Variants in FDX1 observed in about 807,000 individuals in gnomAD.
FDX1 encodes ferredoxin 1, also known as adrenodoxin, mitochondrial.
A neutral mutation model predicts 14.9 loss-of-function variants in FDX1; 9 were observed. That is an observed-to-expected ratio of 0.60 (90% CI 0.36 to 1.05). FDX1 has a LOEUF of 1.05. Ranked by LOEUF, FDX1 falls within the 50% of genes least tolerant of loss-of-function variation. The pLI is 0.01. For synonymous variants in FDX1, 92 were observed against 99.4 expected (o/e 0.93, Z 0.44); for missense variants, 204 against 237.2 (o/e 0.86, Z 0.92).
At chr11:110,438,251 T>C (rs1331618484) in intron 2 of FDX1, among the ~76,000 whole-genome samples, 6 of 152,200 alleles carry the variant, frequency 3.9e-5, no homozygotes, top group African/African-American at 1.4e-4. Context: ...CCACCAGGAC[T>C]GTCTTAAGTG....
At chr11:110,460,680 T>C (rs1308355768) in intron 3 of FDX1, among the ~76,000 whole-genome samples, 1 of 152,236 alleles carries the variant, frequency 6.6e-6, no homozygotes. Context: ...ATTGAAAGTT[T>C]ACTCATTAAT....
intron 2 of FDX1, among the ~76,000 whole-genome samples, chr11:110,445,674 T>G (rs559209756): frequency 2.0e-5 from 3 of 152,320 alleles, no homozygotes; most frequent in Non-Finnish European, 2.9e-5. Context: ...TGCCTGGGCT[T>G]CTTTCCCAGC....
intron 1 of FDX1, among the ~76,000 whole-genome samples, chr11:110,434,576 G>T (rs376042779): frequency 1.3e-5 from 2 of 151,786 alleles, no homozygotes; most frequent in African/African-American, 2.4e-5. Context: ...CAGGTAATCC[G>T]CCCGCCTTGG....
intron 2 of FDX1, among the ~76,000 whole-genome samples, chr11:110,451,451 G>T (rs1403457298): frequency 6.6e-6 from 1 of 152,098 alleles, no homozygotes; most frequent in African/African-American, 2.4e-5. Flanking sequence ...ATGTGGTGAG[G>T]TTACAGAGAA....
intron 1 of FDX1, among the ~76,000 whole-genome samples, chr11:110,433,636 G>T (rs115432783): frequency 1.3e-5 from 2 of 152,136 alleles, no homozygotes; most frequent in Non-Finnish European, 2.9e-5. Flanking sequence ...AGTTATTCAT[G>T]TTGAAAATTA....
intron 1 of FDX1, among the ~76,000 whole-genome samples, chr11:110,433,498 C>T (rs543761965): frequency 2.8e-4 from 43 of 152,240 alleles, no homozygotes; most frequent in South Asian, 1.9e-3. Context: ...GGTCTACCTC[C>T]TGGATGTCTG....
intron 2 of FDX1, among the ~76,000 whole-genome samples, chr11:110,447,273 C>CAAAAAAAAAAAAA (rs541827807): frequency 1.3e-5 from 1 of 75,746 alleles, no homozygotes; most frequent in Non-Finnish European, 2.7e-5. Flanking sequence ...ACTAAAAATA[C>CAAAAAAAAAAAAA]AAAAAAAAAA....
chr11:110,445,304 A>T (rs1324940954), intron 2 of FDX1, among the ~76,000 whole-genome samples: 1 of 152,174 alleles, frequency 6.6e-6, no homozygotes, highest in African/African-American at 2.4e-5. Context: ...ATTTCTTCTA[A>T]ATTAAAACAT....
At chr11:110,430,528 G>T (rs751541149) in intron 1 of FDX1, among the ~76,000 whole-genome samples, 1 of 152,164 alleles carries the variant, frequency 6.6e-6, no homozygotes, top group South Asian at 2.1e-4. Context: ...GTTCCTTTCC[G>T]CATCACCCAC....
intron 1 of FDX1, among the ~76,000 whole-genome samples, chr11:110,434,972 C>T (rs1241109491): frequency 6.6e-6 from 1 of 151,878 alleles, no homozygotes; most frequent in Admixed American, 6.6e-5. Flanking sequence ...TCAGGCTGGT[C>T]TCAAACTCCT....
At chr11:110,436,076 A>T in intron 2 of FDX1, 118 bp downstream of exon 2, 2 of 812,746 alleles carry the variant, frequency 2.5e-6, no homozygotes, top group Non-Finnish European at 2.0e-6. Context: ...AAATATTAAC[A>T]TTCAGGATGT....
At chr11:110,459,616 C>G (rs1946544281) in intron 3 of FDX1, among the ~76,000 whole-genome samples, 2 of 152,154 alleles carry the variant, frequency 1.3e-5, no homozygotes, top group African/African-American at 4.8e-5. Flanking sequence ...CTAAAGTAAA[C>G]CTAATACCCA....
At chr11:110,444,728 A>ATATATATATACG in intron 2 of FDX1, among the ~76,000 whole-genome samples, 1 of 67,582 alleles carries the variant, frequency 1.5e-5, no homozygotes, top group African/African-American at 6.5e-5. Context: ...ATATACGTAT[A>ATATATATATACG]TATATATATA....
chr11:110,461,361 T>G (rs1946554939), intron 3 of FDX1, among the ~76,000 whole-genome samples: 1 of 151,798 alleles, frequency 6.6e-6, no homozygotes, highest in South Asian at 2.1e-4. Flanking sequence ...TCAAGCATGG[T>G]GGTGCATGCC....
At chr11:110,438,973 G>A (rs922716885) in intron 2 of FDX1, among the ~76,000 whole-genome samples, 7 of 151,844 alleles carry the variant, frequency 4.6e-5, no homozygotes, top group East Asian at 1.9e-4. Context: ...ATGTGATCTC[G>A]GCTTGCTGAT....
Position 110,429,982 on chromosome 11 carries a change from C to G in FDX1, c.-139C>G, listed in dbSNP as rs946488983. On this transcript the variant is annotated 5_prime_UTR_variant, in exon 1 of 4. Coordinates refer to ENST00000260270, the MANE Select transcript of FDX1 (RefSeq NM_004109.5). ...CTCGGCGCGGTGCTTCCAGCAGGGT[C>G]TCTCCGCCACTCCAGCCCCGCGCCC... 8 of 488,594 alleles carry G rather than the reference C, an allele frequency of 1.6e-5. No homozygotes were observed. In the South Asian group the frequency reaches 6.4e-4, roughly 39 times the overall value. The allele number at this position is 488,594 out of a possible 1,614,324, so 30.3% of individuals were successfully genotyped here.
At position 110,463,900 on chromosome 11, in the gene FDX1, T is replaced by G. The variant is rs934652454; in HGVS notation, c.*1432T>G. On this transcript the variant is annotated 3_prime_UTR_variant, in exon 4 of 4. Transcript: ENST00000260270. Reference sequence around the variant, plus strand: ...TGATGCTTAATAACTATTGAGTAGTTTTTTTTTTTTTTTTTTGGTGGGGGG... The same window carrying G: ...TGATGCTTAATAACTATTGAGTAGTGTTTTTTTTTTTTTTTTGGTGGGGGG... The G allele has an allele frequency of 8.4e-5, 8 of 95,156 alleles. No homozygotes were observed. The highest frequency in any genetic ancestry group is 5.2e-4 in the Admixed American group (5 of 9,692). 5.9% of individuals were successfully genotyped at this position (95,156 alleles called of 1,614,324 possible). A position where few individuals can be genotyped will look rare whatever the true frequency, so the allele number is the denominator to read the frequency against.
chr11:110,449,977 C>G (rs1232943009), intron 2 of FDX1, among the ~76,000 whole-genome samples: 1 of 152,160 alleles, frequency 6.6e-6, no homozygotes, highest in Non-Finnish European at 1.5e-5. Flanking sequence ...ACTTTGTAGC[C>G]TTTGAACAGC....
chr11:110,445,896 T>A (rs1565382416), intron 2 of FDX1, among the ~76,000 whole-genome samples: 1 of 152,210 alleles, frequency 6.6e-6, no homozygotes, highest in Non-Finnish European at 1.5e-5. Flanking sequence ...TATAGCAAAT[T>A]TTAAAAATAC....
Sources: allele counts gnomAD v4.1 joint callset (sites outside exome capture counted in the v4.1 genomes callset), GRCh38; gene constraint gnomAD v4.1.1; transcripts MANE v1.5; gene names NCBI Gene and HGNC (gene_info 2026-07-23, HGNC 2026-07-21).